Variants in ASIC2 observed in about 807,000 individuals in gnomAD.
The protein encoded by ASIC2 is acid sensing ion channel subunit 2, also known as acid-sensing ion channel 2.
Under a neutral mutation model 57.3 loss-of-function variants are expected in ASIC2, and 25 were observed. The observed-to-expected ratio is 0.44, with a 90% CI of 0.32 to 0.61. ASIC2 has a LOEUF of 0.61. ASIC2 is among the 20% of genes least tolerant of loss of function. The pLI is 0.06. For missense variants in ASIC2, 641 were observed against 738.1 expected, an observed-to-expected ratio of 0.87 and a Z score of 1.52; for synonymous variants, 319 against 307.5, an observed-to-expected ratio of 1.04 and a Z score of -0.39.
chr17:34,120,661 A>G (rs1324666442), intron 1 of ASIC2, among the ~76,000 whole-genome samples: 1 of 149,918 alleles, frequency 6.7e-6, no homozygotes, highest in South Asian at 2.1e-4. Flanking sequence ...TGTACTAGTT[A>G]AGACAAGGTT....
chr17:34,027,808 A>G (rs1907434879), intron 1 of ASIC2, among the ~76,000 whole-genome samples: 2 of 152,204 alleles, frequency 1.3e-5, no homozygotes, highest in Non-Finnish European at 2.9e-5. Flanking sequence ...ACTCACTGCT[A>G]TATCTCTAGG....
At chr17:33,945,524 G>A (rs115969792) in intron 1 of ASIC2, among the ~76,000 whole-genome samples, 33 of 152,234 alleles carry the variant, frequency 2.2e-4, no homozygotes, top group African/African-American at 6.7e-4. Flanking sequence ...GTTGCTAACC[G>A]AGAATGCCCA....
At chr17:34,079,758 C>A (rs1443744972) in intron 1 of ASIC2, among the ~76,000 whole-genome samples, 2 of 152,178 alleles carry the variant, frequency 1.3e-5, no homozygotes, top group African/African-American at 4.8e-5. Flanking sequence ...GCAAGACAGG[C>A]TGGCATGAAT....
At chr17:33,570,219 G>A (rs1427094189) in intron 1 of ASIC2, among the ~76,000 whole-genome samples, 1 of 152,166 alleles carries the variant, frequency 6.6e-6, no homozygotes, top group Non-Finnish European at 1.5e-5. Flanking sequence ...TATAAATGTG[G>A]TCTTTCTCCT....
chr17:33,644,602 C>T (rs1298531596), intron 1 of ASIC2, among the ~76,000 whole-genome samples: 3 of 152,192 alleles, frequency 2.0e-5, no homozygotes, highest in Non-Finnish European at 4.4e-5. Flanking sequence ...AATTAACCCT[C>T]AAAAATGCAT....
chr17:33,184,793 G>A (rs1906123940), intron 1 of ASIC2, among the ~76,000 whole-genome samples: 1 of 152,192 alleles, frequency 6.6e-6, no homozygotes, highest in Non-Finnish European at 1.5e-5. Context: ...CAATTCAACA[G>A]TAAATTTAGG....
chr17:33,305,610 A>T (rs1906138846), intron 1 of ASIC2, among the ~76,000 whole-genome samples: 2 of 152,374 alleles, frequency 1.3e-5, no homozygotes, highest in South Asian at 2.1e-4. Flanking sequence ...CATTTCAAAT[A>T]GTCCCGAATC....
At chr17:33,496,618 T>C (rs1457900754) in intron 1 of ASIC2, among the ~76,000 whole-genome samples, 8 of 137,978 alleles carry the variant, frequency 5.8e-5, no homozygotes, top group Non-Finnish European at 1.2e-4. Flanking sequence ...TTTTTTTTTT[T>C]TTTTTTTTTT....
chr17:33,659,915 TA>T (rs374452736), intron 1 of ASIC2, among the ~76,000 whole-genome samples: 3 of 123,522 alleles, frequency 2.4e-5, no homozygotes, highest in Non-Finnish European at 3.4e-5. Flanking sequence ...AATAAATAAA[TA>T]AAATAAAAAT....
At chr17:33,706,790 G>A (rs751755082) in intron 1 of ASIC2, among the ~76,000 whole-genome samples, 16 of 151,990 alleles carry the variant, frequency 1.1e-4, no homozygotes, top group Non-Finnish European at 1.5e-4. Flanking sequence ...CCCCCACCTG[G>A]GAAACATCTT....
At chr17:33,430,493 GA>G (rs1741661535) in intron 1 of ASIC2, among the ~76,000 whole-genome samples, 1 of 152,116 alleles carries the variant, frequency 6.6e-6, no homozygotes, top group South Asian at 2.1e-4. Flanking sequence ...CTGACCCTAC[GA>G]TAGGAGTCAT....
At chr17:33,424,702 C>T (rs1235876970) in intron 1 of ASIC2, among the ~76,000 whole-genome samples, 1 of 152,060 alleles carries the variant, frequency 6.6e-6, no homozygotes, top group African/African-American at 2.4e-5. Context: ...TTCTTCCTTC[C>T]TTTAGTCCTT....
At chr17:33,123,912 G>C (rs1365679451) in intron 1 of ASIC2, among the ~76,000 whole-genome samples, 1 of 152,082 alleles carries the variant, frequency 6.6e-6, no homozygotes, top group Non-Finnish European at 1.5e-5. Context: ...TTGTGTTCCT[G>C]GTTAATTTTG....
intron 1 of ASIC2, among the ~76,000 whole-genome samples, chr17:33,868,340 G>A (rs901547007): frequency 3.3e-5 from 5 of 152,110 alleles, no homozygotes; most frequent in African/African-American, 1.2e-4. Flanking sequence ...GGGTATGCCT[G>A]TGTTCCAATG....
intron 1 of ASIC2, among the ~76,000 whole-genome samples, chr17:33,934,170 A>T (rs1004766185): frequency 1.3e-5 from 2 of 152,210 alleles, no homozygotes; most frequent in African/African-American, 4.8e-5. Context: ...CATTCTCGGC[A>T]GGCCTGCCCT....
At chr17:33,057,928 C>T (rs1271334670) in intron 3 of ASIC2, among the ~76,000 whole-genome samples, 1 of 152,182 alleles carries the variant, frequency 6.6e-6, no homozygotes, top group Non-Finnish European at 1.5e-5. Flanking sequence ...TGAACCTGCA[C>T]AGATTCTGGA....
intron 1 of ASIC2, among the ~76,000 whole-genome samples, chr17:33,213,045 A>G (rs1282388149): frequency 6.6e-6 from 1 of 152,244 alleles, no homozygotes; most frequent in East Asian, 1.9e-4. Context: ...CAGTTTGGGT[A>G]GAATATTGAG....
chr17:34,069,456 G>A (rs1909316146), intron 1 of ASIC2: 1 of 148,644 alleles, frequency 6.7e-6, no homozygotes, highest in Non-Finnish European at 1.5e-5. Context: ...TTCAGAGAGA[G>A]AGAAATTACC....
At chr17:33,298,270 C>A (rs1007782733), upstream of ASIC2, among the ~76,000 whole-genome samples, 56 of 152,060 alleles carry the variant, frequency 3.7e-4, no homozygotes, top group Non-Finnish European at 6.9e-4. Context: ...CCCCACTTCC[C>A]CCACCCCACG....
Sources: allele counts gnomAD v4.1 joint callset (sites outside exome capture counted in the v4.1 genomes callset), GRCh38; gene constraint gnomAD v4.1.1; transcripts MANE v1.5; gene names NCBI Gene and HGNC (gene_info 2026-07-23, HGNC 2026-07-21).